Variants in OPCML observed in about 807,000 individuals in gnomAD.
The protein encoded by OPCML is opioid binding protein/cell adhesion molecule like, also known as opioid-binding protein/cell adhesion molecule.
Under a neutral mutation model 37.8 loss-of-function variants are expected in OPCML, and 13 were observed. The ratio of observed to expected loss-of-function variants is 0.34; its 90% CI spans 0.22 to 0.55. The LOEUF (loss-of-function observed/expected upper bound fraction) is 0.55, where lower values mean the gene tolerates loss of function less well. Ranked by LOEUF, OPCML falls within the 20% of genes least tolerant of loss-of-function variation. The pLI is 0.91. For missense variants in OPCML, 341 were observed against 435.6 expected (o/e 0.78, Z 1.93); for synonymous variants, 176 against 168.8 (o/e 1.04, Z -0.33).
intron 1 of OPCML, among the ~76,000 whole-genome samples, chr11:133,063,601 AC>A (rs1948389086): frequency 6.6e-6 from 1 of 150,532 alleles, no homozygotes; most frequent in East Asian, 1.9e-4. Flanking sequence ...TGCTCTTGTC[AC>A]CCAGGCTGGA....
chr11:133,292,034 G>T (rs1026709309), intron 1 of OPCML, among the ~76,000 whole-genome samples: 13 of 152,168 alleles, frequency 8.5e-5, no homozygotes, highest in Non-Finnish European at 8.8e-5. Context: ...CATCAATATG[G>T]CCGTCGGTGA....
At chr11:133,028,281 G>T (rs1311966156) in intron 1 of OPCML, among the ~76,000 whole-genome samples, 1 of 152,070 alleles carries the variant, frequency 6.6e-6, no homozygotes, top group African/African-American at 2.4e-5. Flanking sequence ...CTACAGGTGG[G>T]ATGTCAGGCA....
At chr11:132,907,170 G>A (rs1203504168) in intron 2 of OPCML, among the ~76,000 whole-genome samples, 1 of 152,070 alleles carries the variant, frequency 6.6e-6, no homozygotes, top group African/African-American at 2.4e-5. Context: ...CCCAACAGGG[G>A]GCCGCAGCTC....
intron 1 of OPCML, among the ~76,000 whole-genome samples, chr11:132,967,988 C>G (rs886246935): frequency 1.1e-4 from 16 of 152,128 alleles, no homozygotes; most frequent in African/African-American, 3.6e-4. Context: ...ATTGCTGAAC[C>G]TATACTGATA....
At chr11:132,709,989 T>C (rs552632457) in intron 2 of OPCML, among the ~76,000 whole-genome samples, 52 of 152,276 alleles carry the variant, frequency 3.4e-4, no homozygotes, top group African/African-American at 1.2e-3. Flanking sequence ...AAGAAACAAA[T>C]GTTTAGTGCT....
chr11:132,897,054 AGAACAG>A (rs1174575133), intron 2 of OPCML, among the ~76,000 whole-genome samples: 1 of 152,222 alleles, frequency 6.6e-6, no homozygotes. Flanking sequence ...AGTGGAGTCC[AGAACAG>A]AAGGCTCTAC....
rs562541575 is a variant in OPCML at position 133,362,687 on chromosome 11, TG to T, written c.61+169576del. 5.1e-3 allele frequency among the ~76,000 whole-genome samples: 782 copies of T among 152,190 alleles called. 13 individuals are homozygous for T. Among genetic ancestry groups the T allele is most frequent in the Middle Eastern group, 0.014 (4 of 294 alleles). On this transcript the variant is annotated intron_variant, in intron 1 of 7. Transcript: ENST00000524381. The stretch of plus-strand genomic sequence containing the variant: ...GGGTGGAGATGATATTAGTCACACA[TG>T]TTAACCCTGCCTTAGGCTGGGAATC...
chr11:133,067,861 G>A (rs1229401170), intron 1 of OPCML: 3 of 152,020 alleles, frequency 2.0e-5, no homozygotes, highest in Non-Finnish European at 2.9e-5. Context: ...AATTACCTCC[G>A]CTGGGGAAAA....
chr11:132,659,708 G>A (rs945515347), intron 2 of OPCML, among the ~76,000 whole-genome samples: 1 of 146,574 alleles, frequency 6.8e-6, no homozygotes, highest in Non-Finnish European at 1.5e-5. Context: ...AAATTCCTGT[G>A]TGTGTGTGTG....
At chr11:133,269,908 G>A (rs11223421) in intron 1 of OPCML, among the ~76,000 whole-genome samples, 1 of 152,166 alleles carries the variant, frequency 6.6e-6, no homozygotes, top group South Asian at 2.1e-4. Context: ...TGAATAAAAA[G>A]AAAATGCTTC....
chr11:133,220,233 G>C (rs998106971), intron 1 of OPCML, among the ~76,000 whole-genome samples: 6 of 152,174 alleles, frequency 3.9e-5, no homozygotes, highest in Non-Finnish European at 8.8e-5. Context: ...AGTGCTGCCA[G>C]ACAGGAGAGG....
intron 3 of OPCML, among the ~76,000 whole-genome samples, chr11:132,582,149 T>TGTGTGTGTGA (rs879738609): frequency 5.4e-5 from 7 of 129,680 alleles, no homozygotes; most frequent in African/African-American, 1.4e-4. Flanking sequence ...TGTGTGTGTG[T>TGTGTGTGTGA]GAAACAGAGA....
chr11:132,656,979 G>A, intron 3 of OPCML, 108 bp downstream of exon 3: 1 of 1,507,860 alleles, frequency 6.6e-7, no homozygotes, highest in Non-Finnish European at 8.9e-7. Flanking sequence ...GAATTCAGTA[G>A]AGGAAGATGA....
At chr11:132,611,827 G>A (rs1458794379) in intron 3 of OPCML, among the ~76,000 whole-genome samples, 2 of 152,112 alleles carry the variant, frequency 1.3e-5, no homozygotes, top group Non-Finnish European at 2.9e-5. Flanking sequence ...AGCAACAGCT[G>A]TTCTAATCTG....
chr11:132,788,695 C>T (rs1049688703), intron 2 of OPCML, among the ~76,000 whole-genome samples: 1 of 152,178 alleles, frequency 6.6e-6, no homozygotes, highest in African/African-American at 2.4e-5. Flanking sequence ...AACAACAACC[C>T]TTGATGAATT....
chr11:132,998,929 T>C (rs1378732867), intron 1 of OPCML, among the ~76,000 whole-genome samples: 1 of 152,202 alleles, frequency 6.6e-6, no homozygotes, highest in Non-Finnish European at 1.5e-5. Flanking sequence ...TATGGTATTT[T>C]GTTATAACAA....
At chr11:132,911,074 G>A (rs1944413544) in intron 2 of OPCML, among the ~76,000 whole-genome samples, 1 of 152,202 alleles carries the variant, frequency 6.6e-6, no homozygotes, top group African/African-American at 2.4e-5. Context: ...CGCTGCAACA[G>A]CAACCCTCAT....
At position 132,565,143 on chromosome 11, in the gene OPCML, G is replaced by A. The variant is rs192861227; in HGVS notation, c.380-35957C>T. Among the ~76,000 whole-genome samples, 261 of 152,124 alleles carry A rather than the reference G, an allele frequency of 1.7e-3. 4 individuals carry two copies. In the South Asian group the frequency reaches 0.025, roughly 15 times the overall value. On this transcript the variant is annotated intron_variant, in intron 3 of 7. Transcript: ENST00000524381. Reference sequence around the variant, plus strand: ...AAACAAAAATAGGAAGCATCACATGGGCATCTCCCAAAAAATGTTCCTGCC... The same window carrying A: ...AAACAAAAATAGGAAGCATCACATGAGCATCTCCCAAAAAATGTTCCTGCC...
At chr11:132,609,115 T>C in intron 3 of OPCML, among the ~76,000 whole-genome samples, 1 of 151,866 alleles carries the variant, frequency 6.6e-6, no homozygotes, top group East Asian at 1.9e-4. Flanking sequence ...TAATTCGTGT[T>C]TCTCATCGGC....
Sources: gnomAD v4.1 joint callset for allele counts (sites outside exome capture counted in the v4.1 genomes callset) on GRCh38, gnomAD v4.1.1 for gene constraint, MANE v1.5 for transcripts, NCBI Gene and HGNC (gene_info 2026-07-23, HGNC 2026-07-21) for gene names.